Variants in BMPR1B observed in about 807,000 individuals in gnomAD.
BMPR1B encodes the protein bone morphogenetic protein receptor type-1B.
A neutral mutation model predicts 59.1 loss-of-function variants in BMPR1B; 12 were observed. The ratio of observed to expected loss-of-function variants is 0.20; its 90% CI spans 0.13 to 0.33. BMPR1B has a LOEUF of 0.33. BMPR1B is among the 10% of genes least tolerant of loss of function. The probability of loss-of-function intolerance (pLI) is 1.00; values close to 1 mark genes in which losing one functional copy is unlikely to be tolerated. For synonymous variants in BMPR1B, 237 were observed against 207.3 expected (o/e 1.14, Z -1.23); for missense variants, 550 against 610.9 (o/e 0.90, Z 1.05).
At chr4:95,070,724 A>G (rs918689597) in intron 3 of BMPR1B, among the ~76,000 whole-genome samples, 1 of 152,218 alleles carries the variant, frequency 6.6e-6, no homozygotes, top group Non-Finnish European at 1.5e-5. Context: ...GGAGCATAGA[A>G]GTTCTTAATC....
chr4:94,888,229 G>A (rs1357455033), intron 2 of BMPR1B, among the ~76,000 whole-genome samples: 1 of 151,970 alleles, frequency 6.6e-6, no homozygotes, highest in Non-Finnish European at 1.5e-5. Flanking sequence ...TCTTCCTGAG[G>A]AATCTATTAG....
chr4:95,011,417 A>G (rs1353763739), intron 3 of BMPR1B, among the ~76,000 whole-genome samples: 2 of 152,172 alleles, frequency 1.3e-5, no homozygotes, highest in Non-Finnish European at 2.9e-5. Flanking sequence ...TCAGGGACCT[A>G]GTATCTCTCT....
At chr4:94,782,408 T>C (rs1014735219) in intron 1 of BMPR1B, among the ~76,000 whole-genome samples, 8 of 151,990 alleles carry the variant, frequency 5.3e-5, no homozygotes, top group Admixed American at 3.3e-4. Flanking sequence ...CAGGCTCAAG[T>C]GATCATCCCA....
At chr4:94,879,692 A>G (rs909514427) in intron 2 of BMPR1B, among the ~76,000 whole-genome samples, 6 of 152,166 alleles carry the variant, frequency 3.9e-5, no homozygotes, top group Non-Finnish European at 8.8e-5. Flanking sequence ...TGTTTCGTCC[A>G]GGAGATCTTT....
chr4:95,101,997 A>C (rs970132947), intron 3 of BMPR1B, among the ~76,000 whole-genome samples: 3 of 152,162 alleles, frequency 2.0e-5, no homozygotes, highest in Non-Finnish European at 2.9e-5. Context: ...AAAACCAAAA[A>C]TTATACTATA....
chr4:94,825,544 T>C (rs1184618028), intron 1 of BMPR1B, among the ~76,000 whole-genome samples: 1 of 151,942 alleles, frequency 6.6e-6, no homozygotes, highest in Non-Finnish European at 1.5e-5. Context: ...AATAGTACCA[T>C]CTTTTTTTTT....
intron 1 of BMPR1B, among the ~76,000 whole-genome samples, chr4:94,830,296 T>G (rs1724531536): frequency 6.6e-6 from 1 of 152,202 alleles, no homozygotes; most frequent in African/African-American, 2.4e-5. Flanking sequence ...TTTAACACGA[T>G]ATGTGATTAT....
chr4:95,044,185 C>A (rs113025059), intron 3 of BMPR1B, among the ~76,000 whole-genome samples: 2 of 152,166 alleles, frequency 1.3e-5, no homozygotes, highest in African/African-American at 4.8e-5. Flanking sequence ...TATTTGTATG[C>A]GAATTGTTTT....
At chr4:95,095,778 A>T (rs1314830573) in intron 3 of BMPR1B, among the ~76,000 whole-genome samples, 1 of 152,028 alleles carries the variant, frequency 6.6e-6, no homozygotes, top group Non-Finnish European at 1.5e-5. Flanking sequence ...TCTACTGTTC[A>T]TACAGATTTT....
At chr4:94,878,777 T>C (rs1726843061) in intron 2 of BMPR1B, among the ~76,000 whole-genome samples, 1 of 151,850 alleles carries the variant, frequency 6.6e-6, no homozygotes, top group Non-Finnish European at 1.5e-5. Flanking sequence ...TGGTAGGCAT[T>C]TGTATTTCAT....
At chr4:94,957,645 T>C (rs1019443099) in intron 2 of BMPR1B, among the ~76,000 whole-genome samples, 1 of 152,068 alleles carries the variant, frequency 6.6e-6, no homozygotes, top group African/African-American at 2.4e-5. Flanking sequence ...TCAGATGGTC[T>C]TGTGATCATT....
chr4:94,872,993 C>A (rs563320982), intron 1 of BMPR1B, among the ~76,000 whole-genome samples: 36 of 152,238 alleles, frequency 2.4e-4, no homozygotes, highest in African/African-American at 7.5e-4. Flanking sequence ...ATTCAGCTGC[C>A]TGTAGGGCCC....
chr4:95,108,643 G>A (rs1347976276), intron 4 of BMPR1B, among the ~76,000 whole-genome samples: 2 of 151,948 alleles, frequency 1.3e-5, no homozygotes, highest in Non-Finnish European at 2.9e-5. Flanking sequence ...GTGCAGATAC[G>A]GCTGCTTCCA....
At position 95,090,986 on chromosome 4, in the gene BMPR1B, CTT is replaced by C. The variant is rs1729934416; in HGVS notation, c.-17-13420_-17-13419del. ...TTTGACATTTAGTAAAGGTAAACCT[CTT>C]TAATGAAAGATTTCTAAATGTTTGT... On this transcript the variant is annotated intron_variant, in intron 3 of 12. Coordinates refer to ENST00000515059, the MANE Select transcript of BMPR1B (RefSeq NM_001203.3). Among the ~76,000 whole-genome samples the C allele has an allele frequency of 2.6e-5, 4 of 152,008 alleles. No homozygotes were observed. In the South Asian group the frequency reaches 6.2e-4, roughly 24 times the overall value.
At position 94,784,082 on chromosome 4, in the gene BMPR1B, C is replaced by T. The variant is rs142141540; in HGVS notation, c.-183+26014C>T. 2.0e-3 allele frequency among the ~76,000 whole-genome samples: 303 copies of T among 152,272 alleles called. 2 individuals carry two copies. Among genetic ancestry groups the T allele is most frequent in the Middle Eastern group, 6.8e-3 (2 of 294 alleles). On this transcript the variant is annotated intron_variant, in intron 1 of 12. Transcript: ENST00000515059. ...AATGTTTCTTGATCTGCTTCTTGCT[C>T]TTAAGACAATTTCCAGAGACTTTAA...
At chr4:94,786,370 C>CTTTT (rs34747185) in intron 1 of BMPR1B, among the ~76,000 whole-genome samples, 1 of 140,292 alleles carries the variant, frequency 7.1e-6, no homozygotes, top group Non-Finnish European at 1.5e-5. Context: ...AATTCACCAC[C>CTTTT]TTTTTTTTTT....
At chr4:94,765,429 T>C (rs1300440572) in intron 1 of BMPR1B, among the ~76,000 whole-genome samples, 1 of 152,182 alleles carries the variant, frequency 6.6e-6, no homozygotes, top group African/African-American at 2.4e-5. Flanking sequence ...GAGTTCCTCA[T>C]CTCCCTGCTC....
chr4:95,027,173 G>A (rs958195260), intron 3 of BMPR1B, among the ~76,000 whole-genome samples: 3 of 152,112 alleles, frequency 2.0e-5, no homozygotes, highest in Non-Finnish European at 4.4e-5. Context: ...CAGAAAACCA[G>A]CTAGCTTTGT....
chr4:95,095,032 G>A (rs1049260433), intron 3 of BMPR1B, among the ~76,000 whole-genome samples: 3 of 151,204 alleles, frequency 2.0e-5, no homozygotes, highest in African/African-American at 7.3e-5. Flanking sequence ...ATTATTTAGT[G>A]TATATATATA....
Sources: allele counts gnomAD v4.1 joint callset (sites outside exome capture counted in the v4.1 genomes callset), GRCh38; gene constraint gnomAD v4.1.1; transcripts MANE v1.5; gene names NCBI Gene and HGNC (gene_info 2026-07-23, HGNC 2026-07-21).